TENM4: variants seen among roughly 807,000 people sequenced by gnomAD.
TENM4 encodes teneurin transmembrane protein 4, also known as teneurin-4.
In TENM4, 82 loss-of-function variants were observed where a neutral mutation model predicts 243.3. That is an observed-to-expected ratio of 0.34 (90% CI 0.28 to 0.40). The LOEUF is 0.40. Ranked by LOEUF, TENM4 falls within the 10% of genes least tolerant of loss-of-function variation. TENM4 has a pLI of 1.00. For synonymous variants in TENM4, 1,412 were observed against 1,456.3 expected (o/e 0.97, Z 0.69); for missense variants, 3,138 against 3,673.3 (o/e 0.85, Z 3.77).
chr11:79,091,908 A>G (rs906290902), intron 4 of TENM4, among the ~76,000 whole-genome samples: 4 of 152,064 alleles, frequency 2.6e-5, no homozygotes, highest in African/African-American at 9.7e-5. Context: ...TGCCAGCTGT[A>G]ATTCCTTCCT....
rs754901153 is a variant in TENM4, at chr11:78,732,626, G to A, written c.2877-49C>T. 2.6e-6 allele frequency: 4 copies of A among 1,531,770 alleles called. No homozygotes were observed. In the African/African-American group the frequency reaches 5.5e-5, roughly 21 times the overall value. 94.9% of individuals were successfully genotyped at this position (1,531,770 alleles called of 1,614,324 possible). A position where few individuals can be genotyped will look rare whatever the true frequency, so the allele number is the denominator to read the frequency against. On this transcript the variant is annotated intron_variant, in intron 20 of 33. Transcript: ENST00000278550. Reference sequence around the variant, plus strand: ...AAGGGGCGGGGAGCAGGAAGAGCAGGAACCAGGATGAGAAAGAGAGAGACA... The same window carrying A: ...AAGGGGCGGGGAGCAGGAAGAGCAGAAACCAGGATGAGAAAGAGAGAGACA...
chr11:79,072,816 C>A (rs952490479), intron 4 of TENM4, among the ~76,000 whole-genome samples: 2 of 152,102 alleles, frequency 1.3e-5, no homozygotes, highest in African/African-American at 4.8e-5. Context: ...TAATAATAAG[C>A]ATAAGTACTC....
In TENM4 at chr11:79,290,627, C is replaced by T. The variant is rs112478085; in HGVS notation, c.-265+6861G>A. Among the ~76,000 whole-genome samples, 24 of 148,226 alleles carry T rather than the reference C, an allele frequency of 1.6e-4. 1 individual carries two copies. Among genetic ancestry groups the T allele is most frequent in the African/African-American group, 5.7e-4 (23 of 40,090 alleles). ...TCTCGGTGGTGATCAGATCCTGGAA[C>T]AAGCACTGATGAGCATCCTGTAATC... is the stretch of plus-strand genomic sequence containing the variant. On this transcript the variant is annotated intron_variant, in intron 2 of 33. Coordinates refer to ENST00000278550, the MANE Select transcript of TENM4 (RefSeq NM_001098816.3).
chr11:78,911,216 C>T (rs922479273), intron 6 of TENM4, among the ~76,000 whole-genome samples: 14 of 152,190 alleles, frequency 9.2e-5, no homozygotes, highest in African/African-American at 2.9e-4. Context: ...TGGCCTTTGG[C>T]AGGAGGTGGC....
chr11:79,029,581 C>T (rs900833779), intron 6 of TENM4, among the ~76,000 whole-genome samples: 1 of 152,180 alleles, frequency 6.6e-6, no homozygotes, highest in Admixed American at 6.5e-5. Flanking sequence ...AACCCAAGAG[C>T]CCCTGGGGGA....
At chr11:79,315,577 T>A (rs1295362497) in intron 1 of TENM4, among the ~76,000 whole-genome samples, 3 of 152,210 alleles carry the variant, frequency 2.0e-5, no homozygotes, top group Admixed American at 2.0e-4. Context: ...AAGTGTGGTC[T>A]GTAGACACAC....
chr11:78,707,951 G>T (rs1019955032), intron 27 of TENM4, among the ~76,000 whole-genome samples: 2 of 152,240 alleles, frequency 1.3e-5, no homozygotes, highest in Non-Finnish European at 2.9e-5. Flanking sequence ...AATTTGGGTA[G>T]CCAGGCACCC....
chr11:79,179,222 A>T (rs1863234014), intron 3 of TENM4, among the ~76,000 whole-genome samples: 1 of 152,230 alleles, frequency 6.6e-6, no homozygotes, highest in Admixed American at 6.5e-5. Context: ...GGCCTTACGT[A>T]GTCTGCTGAG....
chr11:78,751,287 G>T (rs548755898), intron 19 of TENM4, among the ~76,000 whole-genome samples: 1 of 152,148 alleles, frequency 6.6e-6, no homozygotes, highest in African/African-American at 2.4e-5. Flanking sequence ...CTCCTTTGGG[G>T]TAAATTCTCT....
At chr11:79,364,966 A>G (rs1857651668) in intron 1 of TENM4, among the ~76,000 whole-genome samples, 1 of 152,230 alleles carries the variant, frequency 6.6e-6, no homozygotes. Context: ...GTTTTTATGA[A>G]GAAAGCAAAA....
At chr11:79,059,095 T>C (rs12222470) in intron 6 of TENM4, among the ~76,000 whole-genome samples, 1 of 152,182 alleles carries the variant, frequency 6.6e-6, no homozygotes, top group Non-Finnish European at 1.5e-5. Context: ...AATGAGCAAT[T>C]TGGCTGCCTA....
At chr11:79,232,811 G>T (rs544523013) in intron 2 of TENM4, among the ~76,000 whole-genome samples, 6 of 152,242 alleles carry the variant, frequency 3.9e-5, no homozygotes, top group African/African-American at 1.4e-4. Flanking sequence ...TGATCTGGTT[G>T]GAGGTTGGAA....
At chr11:79,199,486 C>A (rs1245646776) in intron 3 of TENM4, among the ~76,000 whole-genome samples, 2 of 152,214 alleles carry the variant, frequency 1.3e-5, no homozygotes, top group Non-Finnish European at 2.9e-5. Flanking sequence ...GGTGAGCCTG[C>A]AATACAAGTT....
intron 1 of TENM4, among the ~76,000 whole-genome samples, chr11:79,355,052 C>A (rs1219021129): frequency 6.6e-6 from 1 of 152,196 alleles, no homozygotes; most frequent in Non-Finnish European, 1.5e-5. Flanking sequence ...GACAAGAGTT[C>A]CCTAAAAACC....
chr11:78,811,156 G>A (rs1439592130), intron 14 of TENM4, among the ~76,000 whole-genome samples: 3 of 152,180 alleles, frequency 2.0e-5, no homozygotes, highest in African/African-American at 7.2e-5. Flanking sequence ...TATAGACAAG[G>A]GAACTGAGGC....
chr11:79,358,536 A>T (rs1161093401), intron 1 of TENM4, among the ~76,000 whole-genome samples: 3 of 152,162 alleles, frequency 2.0e-5, no homozygotes, highest in African/African-American at 7.2e-5. Context: ...GTACCAAATT[A>T]TGCCTTTGTA....
At chr11:78,723,313 G>T (rs1276671706) in intron 23 of TENM4, among the ~76,000 whole-genome samples, 1 of 152,260 alleles carries the variant, frequency 6.6e-6, no homozygotes, top group East Asian at 1.9e-4. Flanking sequence ...CTCTATGACA[G>T]CATGAATTAT....
chr11:79,349,946 G>A (rs901186303), intron 1 of TENM4, among the ~76,000 whole-genome samples: 1 of 152,160 alleles, frequency 6.6e-6, no homozygotes, highest in East Asian at 1.9e-4. Flanking sequence ...AAGCCAGACC[G>A]GAGGACGAGG....
chr11:79,387,684 A>G (rs1265309594), intron 1 of TENM4, among the ~76,000 whole-genome samples: 1 of 152,130 alleles, frequency 6.6e-6, no homozygotes, highest in Non-Finnish European at 1.5e-5. Flanking sequence ...CCTGAGACCT[A>G]GTCTCTTCCC....
Sources: gnomAD v4.1 joint callset for allele counts (sites outside exome capture counted in the v4.1 genomes callset) on GRCh38, gnomAD v4.1.1 for gene constraint, MANE v1.5 for transcripts, NCBI Gene and HGNC (gene_info 2026-07-23, HGNC 2026-07-21) for gene names.